Variants in MATN3 observed in about 807,000 individuals in gnomAD.
MATN3 encodes matrilin-3.
MATN3 carries 48 observed loss-of-function variants against 45.3 expected under a neutral mutation model. The observed-to-expected ratio is 1.06, with a 90% CI of 0.84 to 1.35. MATN3 has a LOEUF of 1.35. Among genes scored for constraint, MATN3 ranks in the 40% most tolerant of loss-of-function variants. The pLI, the probability that MATN3 is intolerant of heterozygous loss-of-function variation, is 0.00. For missense variants in MATN3, 599 were observed against 628.0 expected, an observed-to-expected ratio of 0.95 and a Z score of 0.49; for synonymous variants, 217 against 245.9, an observed-to-expected ratio of 0.88 and a Z score of 1.10.
At chr2:20,011,502 T>C (rs1272645211) in intron 1 of MATN3, among the ~76,000 whole-genome samples, 2 of 152,224 alleles carry the variant, frequency 1.3e-5, no homozygotes, top group African/African-American at 4.8e-5. Flanking sequence ...CAGAAGGGGA[T>C]AGACAATTGA....
rs1437465030 is a variant in MATN3 at position 20,000,687 on chromosome 2, G to C, written c.1043-121C>G. 2.9e-5 allele frequency: 27 copies of C among 942,394 alleles called. No individual in the cohort carries two copies. The East Asian group carries it at 7.7e-4, about 27-fold the overall frequency. The allele number at this position is 942,394 out of a possible 1,614,324, so 58.4% of individuals were successfully genotyped here. On this transcript the variant is annotated intron_variant, in intron 4 of 7. Transcript: ENST00000407540. ...GAAAACTTACTGGAAACTATTCAAAGCCATTGGCACTGTTTTTTTCTAACT... is the reference window on the plus strand; with the variant it reads ...GAAAACTTACTGGAAACTATTCAAACCCATTGGCACTGTTTTTTTCTAACT...
At chr2:20,004,446 T>C (rs1673056267) in intron 2 of MATN3, among the ~76,000 whole-genome samples, 1 of 152,186 alleles carries the variant, frequency 6.6e-6, no homozygotes, top group African/African-American at 2.4e-5. Flanking sequence ...AAAGCCACTT[T>C]CTTTTTGGAA....
At chr2:20,006,364 C>T (rs1673108077) in intron 1 of MATN3, 54 bp from the exon 2 acceptor site, 1 of 1,358,750 alleles carries the variant, frequency 7.4e-7, no homozygotes, top group Admixed American at 2.5e-5. Flanking sequence ...GTAATCCTCA[C>T]TTCCAGAGAA....
chr2:20,011,380 C>T (rs1204237087), intron 1 of MATN3, among the ~76,000 whole-genome samples: 1 of 152,238 alleles, frequency 6.6e-6, no homozygotes, highest in African/African-American at 2.4e-5. Flanking sequence ...GTACCTCCTG[C>T]CTTAGCAGCA....
chr2:19,993,338 C>T (rs1672797272), intron 7 of MATN3, among the ~76,000 whole-genome samples, 172 bp from the exon 8 acceptor site: 1 of 152,134 alleles, frequency 6.6e-6, no homozygotes, highest in South Asian at 2.1e-4. Context: ...AAATCCTGTT[C>T]TTCAGAGAGC....
chr2:20,007,332 C>G (rs879379980), intron 1 of MATN3, among the ~76,000 whole-genome samples: 3 of 152,058 alleles, frequency 2.0e-5, no homozygotes, highest in African/African-American at 4.8e-5. Flanking sequence ...AGTTTGAGAC[C>G]AGCCTGGCCA....
chr2:19,994,306 G>A lies in MATN3; in HGVS notation c.1398C>T (p.Asn466=). The A allele has an allele frequency of 6.2e-7, 1 of 1,608,774 alleles. No homozygotes were observed. The highest frequency in any genetic ancestry group is 8.5e-7 in the Non-Finnish European group (1 of 1,175,616). Residue 466 remains asparagine, a synonymous_variant, in exon 7 of 8, where the codon AAC becomes AAT. Coordinates refer to ENST00000407540, the MANE Select transcript of MATN3 (RefSeq NM_002381.5). ...ACCTTCCAGAAAGGATATGTTTAGT[G>A]TTCAGTCTTTGAAGATACGAGCTGA... ...DKVSSYLQRL[N]TKLDDILEKL...
At chr2:20,002,813 G>A (rs11896116) in intron 3 of MATN3, among the ~76,000 whole-genome samples, 7,814 of 151,302 alleles carry the variant, frequency 0.052, 350 homozygotes, top group East Asian at 0.2. Context: ...CCATGTTCTC[G>A]AGGCTAATCT....
intron 4 of MATN3, 95 bp from the exon 5 acceptor site, chr2:20,000,661 G>A: frequency 1.6e-6 from 2 of 1,268,472 alleles, no homozygotes; most frequent in Non-Finnish European, 2.1e-6. Context: ...AAACATATGA[G>A]GAAAACTTAC....
rs1334888045 is a variant in MATN3, at chr2:19,994,194, C to A, written c.1405+105G>T. 8.7e-6 allele frequency: 6 copies of A among 692,106 alleles called. No individual in the cohort carries two copies. In the African/African-American group the frequency reaches 1.1e-4, roughly 13 times the overall value. The allele number at this position is 692,106 out of a possible 1,614,324, so 42.9% of individuals were successfully genotyped here. A position where few individuals can be genotyped will look rare whatever the true frequency, so the allele number is the denominator to read the frequency against. ...ATATTACCACTGCTCATATTAAAAC[C>A]TAACAAATAAGTCACTTGCCTGTGG... On this transcript the variant is annotated intron_variant, in intron 7 of 7. Coordinates refer to ENST00000407540, the MANE Select transcript of MATN3 (RefSeq NM_002381.5).
chr2:19,994,832 T>C (rs1363797934), intron 6 of MATN3, among the ~76,000 whole-genome samples: 1 of 152,164 alleles, frequency 6.6e-6, no homozygotes, highest in Non-Finnish European at 1.5e-5. Context: ...CTTATTCCTA[T>C]AATGCCAGCA....
In MATN3 at chr2:20,005,998, C is replaced by T. The variant is rs1673097051; in HGVS notation, c.536G>A (p.Gly179Glu). The change falls in exon 2 of 8, where the codon GGG becomes GAG. Residue 179 changes from glycine (G) to glutamate (E), a missense_variant. Coordinates refer to ENST00000407540, the MANE Select transcript of MATN3 (RefSeq NM_002381.5). ...GATGTTAGAAGAGGGCTCTCGAGCC[C>T]CTGCCTCCACTGTGAAGGCTTCGTC... is the stretch of plus-strand genomic sequence containing the variant. Reference protein sequence around the residue: ...AMDEAFTVEAGAREPSSNIPK... With the variant: ...AMDEAFTVEAEAREPSSNIPK... The T allele has an allele frequency of 6.2e-7, 1 of 1,614,010 alleles. No homozygotes were observed. The highest frequency in any genetic ancestry group is 8.5e-7 in the Non-Finnish European group (1 of 1,179,898).
rs1055141622 is a variant in MATN3, at chr2:19,995,860, A to T, written c.1294+1274T>A. Among the ~76,000 whole-genome samples, 3 of 152,230 alleles carry T rather than the reference A, an allele frequency of 2.0e-5. No homozygotes were observed. Among genetic ancestry groups the T allele is most frequent in the Non-Finnish European group, 2.9e-5 (2 of 68,046 alleles). On this transcript the variant is annotated intron_variant, in intron 6 of 7. Transcript: ENST00000407540. The surrounding 1 kb of genome is among the most constrained non-coding windows in gnomAD (Gnocchi z 4.2). The stretch of plus-strand genomic sequence containing the variant: ...TATAGGGATGGGAGATCATAAATTC[A>T]TTAAATATAATCTATCATCTATCCA...
At chr2:20,007,451 C>G (rs1001553303) in intron 1 of MATN3, among the ~76,000 whole-genome samples, 1 of 152,064 alleles carries the variant, frequency 6.6e-6, no homozygotes, top group Admixed American at 6.6e-5. Context: ...ATCGCTTAAA[C>G]CCGGGAGGTG....
chr2:19,996,343 A>AT lies in MATN3; in HGVS notation c.1294+790dup, dbSNP rs1672866609. On this transcript the variant is annotated intron_variant, in intron 6 of 7. Coordinates refer to ENST00000407540, the MANE Select transcript of MATN3 (RefSeq NM_002381.5). ...TGAAAGAAATTAAAGAAGACCTAAAATAAAATAAAATTAAATTAAATTAAA... is the reference window on the plus strand; with the variant it reads ...TGAAAGAAATTAAAGAAGACCTAAAATTAAAATAAAATTAAATTAAATTAAA... 3.3e-5 allele frequency among the ~76,000 whole-genome samples: 5 copies of AT among 152,262 alleles called. No individual in the cohort carries two copies. The South Asian group carries it at 8.3e-4, about 25-fold the overall frequency.
intron 6 of MATN3, 128 bp downstream of exon 6, chr2:19,997,006 C>G: frequency 1.1e-6 from 1 of 891,226 alleles, no homozygotes; most frequent in Non-Finnish European, 1.8e-6. Flanking sequence ...TTCTGTAGAC[C>G]AGTGGGAGCC....
At chr2:19,996,458 A>G (rs1373639285) in intron 6 of MATN3, among the ~76,000 whole-genome samples, 5 of 152,206 alleles carry the variant, frequency 3.3e-5, no homozygotes, top group African/African-American at 1.2e-4. Context: ...CAGGAAATGA[A>G]AAAAACATCC....
At chr2:20,008,344 G>C (rs567111481) in intron 1 of MATN3, among the ~76,000 whole-genome samples, 8 of 152,204 alleles carry the variant, frequency 5.3e-5, no homozygotes, top group Non-Finnish European at 8.8e-5. Context: ...CCTGGGGCAT[G>C]AAGTGTCACT....
At position 20,012,343 on chromosome 2, in the gene MATN3, C is replaced by T. The variant is rs1021454205; in HGVS notation, c.223+66G>A. 1 of 1,175,240 alleles carries T rather than the reference C, an allele frequency of 8.5e-7. No individual in the cohort carries two copies. The highest frequency in any genetic ancestry group is 1.1e-6 in the Non-Finnish European group (1 of 938,272). 72.8% of individuals were successfully genotyped at this position (1,175,240 alleles called of 1,614,324 possible). On this transcript the variant is annotated intron_variant, in intron 1 of 7. Coordinates refer to ENST00000407540, the MANE Select transcript of MATN3 (RefSeq NM_002381.5). The surrounding 1 kb of genome is among the most constrained non-coding windows in gnomAD (Gnocchi z 4.3). ...CGGCCTGAGGCCGGGATGAAGCGCG[C>T]TTGGTGGATGCCCTGGGCTTCTCCT...
Sources: allele counts gnomAD v4.1 joint callset (sites outside exome capture counted in the v4.1 genomes callset), GRCh38; gene constraint gnomAD v4.1.1; non-coding constraint Gnocchi (gnomAD v3.1); transcripts MANE v1.5; gene names NCBI Gene and HGNC (gene_info 2026-07-23, HGNC 2026-07-21).